The following FAM193A variants were observed in gnomAD, a reference collection of about 807,000 sequenced individuals.
The protein encoded by FAM193A is protein FAM193A.
A neutral mutation model predicts 126.5 loss-of-function variants in FAM193A; 22 were observed. The ratio of observed to expected loss-of-function variants is 0.17; its 90% CI spans 0.12 to 0.25. The LOEUF is 0.25. Among genes scored for constraint, FAM193A ranks in the 10% least tolerant of loss-of-function variants. The pLI is 1.00. For missense variants in FAM193A, 1,675 were observed against 1,672.8 expected (o/e 1.00, Z -0.02); for synonymous variants, 761 against 646.8 (o/e 1.18, Z -2.68).
At chr4:2,599,990 C>T (rs1010946917) in intron 2 of FAM193A, among the ~76,000 whole-genome samples, 3 of 152,198 alleles carry the variant, frequency 2.0e-5, no homozygotes, top group South Asian at 2.1e-4. Flanking sequence ...ACCTCTGCCT[C>T]CTGGGTTCAG....
intron 18 of FAM193A, among the ~76,000 whole-genome samples, chr4:2,697,782 A>C (rs547687359): frequency 7.1e-4 from 108 of 152,332 alleles, no homozygotes; most frequent in African/African-American, 2.5e-3. Flanking sequence ...CCCGTGCCCC[A>C]GAAGACTAGA....
chr4:2,693,633 C>G lies in FAM193A; in HGVS notation c.2851C>G (p.Pro951Ala). ...CAAGGAGGACCACAGACACTCGGCC[C>G]CAGCCGCCCCGAGGAATAGCCCCAC... The part of the protein sequence containing the change: ...ISKEDHRHSA[P>A]AAPRNSPTGL... The change falls in exon 16 of 21, where the codon CCA becomes GCA. Residue 951 changes from proline to alanine, a missense_variant. Pro to Ala is a conservative substitution (Grantham distance 27). Transcript: ENST00000637812. The G allele has an allele frequency of 6.2e-7, 1 of 1,614,116 alleles. No individual in the cohort carries two copies. The highest frequency in any genetic ancestry group is 8.5e-7 in the Non-Finnish European group (1 of 1,179,992).
At chr4:2,589,814 C>T (rs1740419102) in intron 1 of FAM193A, among the ~76,000 whole-genome samples, 1 of 152,096 alleles carries the variant, frequency 6.6e-6, no homozygotes, top group Non-Finnish European at 1.5e-5. Flanking sequence ...AACAGTGTTC[C>T]CTGGACTTGA....
At chr4:2,722,431 G>T (rs1182914440) in intron 20 of FAM193A, among the ~76,000 whole-genome samples, 1 of 152,194 alleles carries the variant, frequency 6.6e-6, no homozygotes, top group African/African-American at 2.4e-5. Flanking sequence ...GAATGGCTTG[G>T]AGCAGGAATG....
intron 1 of FAM193A, among the ~76,000 whole-genome samples, chr4:2,552,993 G>T (rs186414862): frequency 6.6e-5 from 10 of 151,540 alleles, no homozygotes; most frequent in Non-Finnish European, 1.2e-4. Context: ...GATTACAGGC[G>T]CCCGCCACCA....
chr4:2,559,794 G>T (rs1464943105), intron 1 of FAM193A, among the ~76,000 whole-genome samples: 1 of 152,104 alleles, frequency 6.6e-6, no homozygotes, highest in Non-Finnish European at 1.5e-5. Flanking sequence ...ACAGCTGAGC[G>T]TCCTTGCCGT....
intron 20 of FAM193A, among the ~76,000 whole-genome samples, chr4:2,726,826 T>C (rs1353211763): frequency 1.4e-5 from 2 of 144,522 alleles, no homozygotes; most frequent in African/African-American, 5.2e-5. Context: ...GGTGCACATC[T>C]GTAGTCCCAG....
chr4:2,713,491 C>T (rs555423108), intron 19 of FAM193A, among the ~76,000 whole-genome samples: 127 of 152,170 alleles, frequency 8.3e-4, no homozygotes, highest in Non-Finnish European at 1.5e-3. Context: ...CACTCATGCT[C>T]CTTGGGCCTG....
At chr4:2,692,917 A>G (rs1716567086) in intron 15 of FAM193A, among the ~76,000 whole-genome samples, 1 of 152,150 alleles carries the variant, frequency 6.6e-6, no homozygotes, top group African/African-American at 2.4e-5. Flanking sequence ...ATTTTTAAGT[A>G]AAAAGCTCGG....
intron 1 of FAM193A, among the ~76,000 whole-genome samples, chr4:2,557,338 T>G (rs1234242792): frequency 6.6e-6 from 1 of 152,206 alleles, no homozygotes; most frequent in African/African-American, 2.4e-5. Context: ...GCCTGGAGTT[T>G]GTGCATTCTC....
intron 1 of FAM193A, among the ~76,000 whole-genome samples, chr4:2,576,306 G>T (rs778277793): frequency 7.9e-5 from 12 of 151,976 alleles, no homozygotes; most frequent in Admixed American, 1.3e-4. Flanking sequence ...CACTATGTTG[G>T]CCAGGCTGGT....
intron 2 of FAM193A, among the ~76,000 whole-genome samples, chr4:2,610,881 G>A (rs1042068442): frequency 6.6e-6 from 1 of 152,004 alleles, no homozygotes; most frequent in Non-Finnish European, 1.5e-5. Flanking sequence ...GAGATTACAG[G>A]CATGCACCAC....
intron 1 of FAM193A, among the ~76,000 whole-genome samples, chr4:2,546,485 A>C (rs1352371301): frequency 2.0e-5 from 3 of 152,126 alleles, no homozygotes; most frequent in Non-Finnish European, 4.4e-5. Flanking sequence ...TATCTTTTGG[A>C]TAAGTCCTGT....
chr4:2,541,036 C>T (rs904869497), intron 1 of FAM193A, among the ~76,000 whole-genome samples: 27 of 150,860 alleles, frequency 1.8e-4, no homozygotes, highest in African/African-American at 6.3e-4. Flanking sequence ...TTTGGGAAGC[C>T]GAGGCAGGAG....
intron 5 of FAM193A, 85 bp downstream of exon 5, chr4:2,631,254 C>A: frequency 1.5e-6 from 2 of 1,295,994 alleles, no homozygotes; most frequent in Non-Finnish European, 2.1e-6. Flanking sequence ...CGCATGTGTG[C>A]CGACCTCGCT....
intron 12 of FAM193A, among the ~76,000 whole-genome samples, chr4:2,669,246 T>G (rs1460095949): frequency 1.3e-5 from 2 of 152,242 alleles, no homozygotes; most frequent in Non-Finnish European, 2.9e-5. Context: ...TTTACCTTCC[T>G]TTAATATGTC....
At chr4:2,662,338 T>C (rs1205284410) in intron 10 of FAM193A, among the ~76,000 whole-genome samples, 1 of 152,240 alleles carries the variant, frequency 6.6e-6, no homozygotes, top group East Asian at 1.9e-4. Context: ...GTTACATAAG[T>C]GCCTTTAAAG....
rs1158101864 is a variant in FAM193A at position 2,696,607 on chromosome 4, C to T, written c.3507+14C>T. ...AAGCAAAGGAAGGCAAGTGACAGTTCTCAGCACCTGGAGGCGCCAGGTCTG... is the reference window on the plus strand; with the variant it reads ...AAGCAAAGGAAGGCAAGTGACAGTTTTCAGCACCTGGAGGCGCCAGGTCTG... On this transcript the variant is annotated intron_variant, in intron 18 of 20. Coordinates refer to ENST00000637812, the MANE Select transcript of FAM193A (RefSeq NM_001366318.2). 1.2e-5 allele frequency: 19 copies of T among 1,605,662 alleles called. No individual in the cohort carries two copies. Among genetic ancestry groups the T allele is most frequent in the Non-Finnish European group, 1.6e-5 (19 of 1,172,650 alleles).
chr4:2,604,404 A>G (rs574832622), intron 2 of FAM193A, among the ~76,000 whole-genome samples: 5 of 152,114 alleles, frequency 3.3e-5, no homozygotes, highest in Admixed American at 6.6e-5. Context: ...TTGGTGCTTA[A>G]TCTGTCAATT....
Sources: allele counts gnomAD v4.1 joint callset (sites outside exome capture counted in the v4.1 genomes callset), GRCh38; gene constraint gnomAD v4.1.1; transcripts MANE v1.5; gene names NCBI Gene and HGNC (gene_info 2026-07-23, HGNC 2026-07-21).